CREB5: variants seen among roughly 807,000 people sequenced by gnomAD.
CREB5 encodes the protein cAMP responsive element binding protein 5, also known as cyclic AMP-responsive element-binding protein 5.
CREB5 carries 19 observed loss-of-function variants against 57.1 expected under a neutral mutation model. The ratio of observed to expected loss-of-function variants is 0.33; its 90% CI spans 0.23 to 0.49. The LOEUF (loss-of-function observed/expected upper bound fraction) is 0.49. Among genes scored for constraint, CREB5 ranks in the 20% least tolerant of loss-of-function variants. The pLI, the probability that CREB5 is intolerant of heterozygous loss-of-function variation, is 0.99. For missense variants in CREB5, 579 were observed against 671.6 expected, an observed-to-expected ratio of 0.86 and a Z score of 1.52; for synonymous variants, 238 against 238.3, an observed-to-expected ratio of 1.00 and a Z score of 0.01.
intron 1 of CREB5, among the ~76,000 whole-genome samples, chr7:28,362,448 G>A (rs1036207931): frequency 6.6e-6 from 1 of 152,144 alleles, no homozygotes; most frequent in Non-Finnish European, 1.5e-5. Flanking sequence ...TCATTTTTAA[G>A]TTTGCAAAAT....
At chr7:28,468,634 C>T (rs1790686687) in intron 1 of CREB5, among the ~76,000 whole-genome samples, 1 of 152,200 alleles carries the variant, frequency 6.6e-6, no homozygotes, top group South Asian at 2.1e-4. Context: ...ACTCCCTCTT[C>T]TGCACTCTCA....
chr7:28,744,240 C>T (rs1257748630), intron 7 of CREB5, among the ~76,000 whole-genome samples: 3 of 151,292 alleles, frequency 2.0e-5, no homozygotes, highest in African/African-American at 7.3e-5. Context: ...TTTCTTAATC[C>T]AGTCTATCAT....
chr7:28,426,283 C>A (rs1265672254), intron 1 of CREB5, among the ~76,000 whole-genome samples: 1 of 152,190 alleles, frequency 6.6e-6, no homozygotes, highest in Non-Finnish European at 1.5e-5. Context: ...GGGACAAAAC[C>A]AGTAAATGGA....
chr7:28,707,685 G>A (rs569387807), intron 5 of CREB5, among the ~76,000 whole-genome samples: 2 of 152,136 alleles, frequency 1.3e-5, no homozygotes, highest in Non-Finnish European at 2.9e-5. Context: ...CCAAGAAGAG[G>A]AAATTTCAAA....
chr7:28,481,786 A>T (rs1791344318), intron 1 of CREB5, among the ~76,000 whole-genome samples: 1 of 152,214 alleles, frequency 6.6e-6, no homozygotes, highest in South Asian at 2.1e-4. Flanking sequence ...AGACAGACAG[A>T]CATAAGGAGA....
intron 1 of CREB5, among the ~76,000 whole-genome samples, chr7:28,398,208 C>T (rs1045407806): frequency 1.3e-5 from 2 of 152,088 alleles, no homozygotes; most frequent in Non-Finnish European, 2.9e-5. Flanking sequence ...ACCATTTTCT[C>T]CTTCATTGTG....
At chr7:28,529,632 C>T (rs1183162497) in intron 4 of CREB5, among the ~76,000 whole-genome samples, 1 of 152,204 alleles carries the variant, frequency 6.6e-6, no homozygotes, top group Non-Finnish European at 1.5e-5. Flanking sequence ...CTGTCTGTCT[C>T]TCTTCTTCCC....
chr7:28,610,081 C>T (rs1797324418), intron 5 of CREB5, among the ~76,000 whole-genome samples: 1 of 152,186 alleles, frequency 6.6e-6, no homozygotes, highest in South Asian at 2.1e-4. Context: ...CCTTCCCTGG[C>T]TTCTCAAGCA....
chr7:28,635,021 C>A (rs1731966692), intron 5 of CREB5, among the ~76,000 whole-genome samples: 1 of 152,096 alleles, frequency 6.6e-6, no homozygotes, highest in Admixed American at 6.5e-5. Context: ...GCTGCTAACC[C>A]AAGGGTATTG....
At chr7:28,395,140 T>C (rs1787310541) in intron 1 of CREB5, among the ~76,000 whole-genome samples, 4 of 152,216 alleles carry the variant, frequency 2.6e-5, no homozygotes. Context: ...TTGTCTATAT[T>C]AGGGTCTTCA....
Position 28,643,635 on chromosome 7 carries a change from G to C in CREB5, c.464+73098G>C, listed in dbSNP as rs138828575. ...TCAACAGGTTGTTATGAGATTAAAT[G>C]AGGTAAAGAAGCATCAGGTTTTACC... is the stretch of plus-strand genomic sequence containing the variant. On this transcript the variant is annotated intron_variant, in intron 5 of 10. Coordinates refer to ENST00000357727, the MANE Select transcript of CREB5 (RefSeq NM_182898.4). Among the ~76,000 whole-genome samples the C allele has an allele frequency of 2.4e-3, 367 of 152,242 alleles. 1 individual carries two copies. The highest frequency in any genetic ancestry group is 3.8e-3 in the Non-Finnish European group (260 of 68,016).
chr7:28,519,226 TTTTC>T (rs1418858742), intron 4 of CREB5, among the ~76,000 whole-genome samples: 1 of 152,206 alleles, frequency 6.6e-6, no homozygotes, highest in African/African-American at 2.4e-5. Flanking sequence ...TGCTAGATTT[TTTTC>T]TTTATTTGTA....
intron 5 of CREB5, among the ~76,000 whole-genome samples, chr7:28,576,939 T>C (rs1296462388): frequency 2.0e-5 from 3 of 152,210 alleles, no homozygotes; most frequent in East Asian, 3.9e-4. Flanking sequence ...CTGGAATCAT[T>C]CTTTCTGTGC....
intron 5 of CREB5, among the ~76,000 whole-genome samples, chr7:28,685,743 G>T (rs767070174): frequency 1.3e-5 from 2 of 150,854 alleles, no homozygotes; most frequent in Non-Finnish European, 3.0e-5. Context: ...CAGAACTCCG[G>T]GTCCCTCTTG....
At chr7:28,685,138 C>A (rs1407145909) in intron 5 of CREB5, among the ~76,000 whole-genome samples, 3 of 152,186 alleles carry the variant, frequency 2.0e-5, no homozygotes, top group Non-Finnish European at 2.9e-5. Flanking sequence ...CACACCAGCA[C>A]CCCCTCCAGC....
chr7:28,461,865 T>C (rs1385399169), intron 1 of CREB5, among the ~76,000 whole-genome samples: 1 of 151,642 alleles, frequency 6.6e-6, no homozygotes, highest in Non-Finnish European at 1.5e-5. Context: ...CTTGTAGTTT[T>C]ATATATATAT....
chr7:28,356,373 A>G (rs1786342829), intron 1 of CREB5, among the ~76,000 whole-genome samples: 1 of 152,212 alleles, frequency 6.6e-6, no homozygotes, highest in Non-Finnish European at 1.5e-5. Flanking sequence ...GTTTGTGTGA[A>G]ACACCCTCTC....
At chr7:28,302,589 A>G (rs958158370) in intron 1 of CREB5, among the ~76,000 whole-genome samples, 1 of 152,204 alleles carries the variant, frequency 6.6e-6, no homozygotes, top group African/African-American at 2.4e-5. Context: ...AAAAGTTTTC[A>G]TGCCTCTTCC....
chr7:28,525,793 T>C (rs774306054), intron 4 of CREB5, among the ~76,000 whole-genome samples: 35 of 152,174 alleles, frequency 2.3e-4, no homozygotes, highest in Non-Finnish European at 4.9e-4. Flanking sequence ...GGGAGAGTGG[T>C]AGATATCAAT....
Sources: allele counts gnomAD v4.1 joint callset (sites outside exome capture counted in the v4.1 genomes callset), GRCh38; gene constraint gnomAD v4.1.1; transcripts MANE v1.5; gene names NCBI Gene and HGNC (gene_info 2026-07-23, HGNC 2026-07-21).